FRMD4A: variants seen among roughly 807,000 people sequenced by gnomAD.
The protein encoded by FRMD4A is FERM domain-containing protein 4A.
FRMD4A carries 29 observed loss-of-function variants against 129.1 expected under a neutral mutation model. The observed-to-expected ratio is 0.22, with a 90% CI of 0.17 to 0.31. FRMD4A has a LOEUF of 0.31. Among genes scored for constraint, FRMD4A ranks in the 10% least tolerant of loss-of-function variants. The pLI is 1.00. For missense variants in FRMD4A, 1,272 were observed against 1,375.8 expected, an observed-to-expected ratio of 0.92 and a Z score of 1.19; for synonymous variants, 634 against 571.6, an observed-to-expected ratio of 1.11 and a Z score of -1.56.
chr10:14,313,114 A>T (rs1846614089), intron 2 of FRMD4A, among the ~76,000 whole-genome samples: 4 of 152,038 alleles, frequency 2.6e-5, no homozygotes, highest in Admixed American at 2.6e-4. Flanking sequence ...ATATTTTGGG[A>T]GGCTGACATG....
intron 2 of FRMD4A, among the ~76,000 whole-genome samples, chr10:13,934,205 C>G (rs1490530902): frequency 6.6e-6 from 1 of 152,216 alleles, no homozygotes; most frequent in Non-Finnish European, 1.5e-5. Flanking sequence ...GTTTTAGAGA[C>G]ATAGTTTTCT....
At chr10:13,822,092 G>A (rs1165804063) in intron 3 of FRMD4A, among the ~76,000 whole-genome samples, 1 of 152,060 alleles carries the variant, frequency 6.6e-6, no homozygotes, top group African/African-American at 2.4e-5. Flanking sequence ...TACACACATA[G>A]ATCTATATGT....
At chr10:14,131,340 G>A (rs1011234008) in intron 2 of FRMD4A, among the ~76,000 whole-genome samples, 6 of 152,132 alleles carry the variant, frequency 3.9e-5, no homozygotes, top group African/African-American at 1.4e-4. Context: ...GAAGATGGCA[G>A]AGTAGAAGCA....
chr10:13,867,839 A>T (rs754551856), intron 2 of FRMD4A, among the ~76,000 whole-genome samples: 6 of 138,978 alleles, frequency 4.3e-5, no homozygotes, highest in Non-Finnish European at 9.1e-5. Context: ...ATATATAATA[A>T]ATAATACATA....
chr10:14,035,788 A>C (rs1833471130), intron 2 of FRMD4A, among the ~76,000 whole-genome samples: 1 of 152,234 alleles, frequency 6.6e-6, no homozygotes, highest in Non-Finnish European at 1.5e-5. Context: ...TAGACTAAAG[A>C]TATGCAAGAA....
chr10:13,765,146 C>T (rs1308312158), intron 6 of FRMD4A, among the ~76,000 whole-genome samples: 1 of 128,844 alleles, frequency 7.8e-6, no homozygotes, highest in African/African-American at 2.9e-5. Context: ...CGGAGTCTCA[C>T]TGTTGTCGTC....
intron 2 of FRMD4A, among the ~76,000 whole-genome samples, chr10:14,291,053 A>T (rs1277318350): frequency 1.3e-5 from 2 of 152,112 alleles, no homozygotes; most frequent in African/African-American, 2.4e-5. Context: ...TCACTCAACC[A>T]TTACTTCCTG....
At chr10:13,703,437 C>G (rs2087068535) in intron 13 of FRMD4A, among the ~76,000 whole-genome samples, 1 of 152,118 alleles carries the variant, frequency 6.6e-6, no homozygotes. Context: ...TGTCCAGTGC[C>G]CCACAGGGAA....
chr10:14,247,168 G>T (rs1194215183), intron 2 of FRMD4A, among the ~76,000 whole-genome samples: 2 of 152,104 alleles, frequency 1.3e-5, no homozygotes, highest in Admixed American at 6.6e-5. Flanking sequence ...GCCACACAGG[G>T]AGACTAGTGA....
intron 3 of FRMD4A, among the ~76,000 whole-genome samples, chr10:13,839,257 T>G (rs1028519744): frequency 2.0e-5 from 3 of 152,128 alleles, no homozygotes; most frequent in African/African-American, 7.2e-5. Context: ...CCTCCCACCT[T>G]GGCCTCTCAA....
intron 18 of FRMD4A, among the ~76,000 whole-genome samples, chr10:13,665,562 C>T (rs1036720945): frequency 3.3e-5 from 5 of 152,198 alleles, no homozygotes; most frequent in African/African-American, 1.2e-4. Flanking sequence ...ACCCAAATTC[C>T]TAACCCATGA....
chr10:13,859,651 T>C (rs2094265862), intron 2 of FRMD4A, among the ~76,000 whole-genome samples: 1 of 152,156 alleles, frequency 6.6e-6, no homozygotes. Context: ...CTCCTCTTCA[T>C]TTATCCCACT....
chr10:13,914,625 G>C (rs966665549), intron 2 of FRMD4A, among the ~76,000 whole-genome samples: 1 of 152,246 alleles, frequency 6.6e-6, no homozygotes, highest in African/African-American at 2.4e-5. Flanking sequence ...AGGCCAAAGA[G>C]AGACTGATGG....
At chr10:13,676,266 TTTTC>T (rs1422694056) in intron 15 of FRMD4A, among the ~76,000 whole-genome samples, 37 of 151,714 alleles carry the variant, frequency 2.4e-4, no homozygotes, top group Admixed American at 2.3e-3. Flanking sequence ...TTTCTTTTCT[TTTTC>T]TTTTTTTTTT....
At chr10:13,773,197 T>G (rs1289200600) in intron 6 of FRMD4A, among the ~76,000 whole-genome samples, 1 of 152,220 alleles carries the variant, frequency 6.6e-6, no homozygotes, top group Non-Finnish European at 1.5e-5. Context: ...TATGCATAAC[T>G]TTTCCCCAAA....
chr10:13,779,110 C>A (rs10906473), intron 6 of FRMD4A, among the ~76,000 whole-genome samples: 122,099 of 151,944 alleles, frequency 0.8, 49,534 homozygotes, highest in East Asian at 0.96. Context: ...TGAGGTCAGG[C>A]GTTCGAGACC....
At chr10:14,101,222 C>A (rs1470956725) in intron 2 of FRMD4A, among the ~76,000 whole-genome samples, 4 of 152,224 alleles carry the variant, frequency 2.6e-5, no homozygotes, top group Admixed American at 1.3e-4. Flanking sequence ...TCATAATCCT[C>A]TTGTCAATAT....
At chr10:14,293,016 A>G (rs1845897160) in intron 2 of FRMD4A, among the ~76,000 whole-genome samples, 1 of 134,386 alleles carries the variant, frequency 7.4e-6, no homozygotes, top group Non-Finnish European at 1.7e-5. Flanking sequence ...AAGGATAAGT[A>G]TCATGAACAC....
chr10:13,924,606 A>C (rs529422383), intron 2 of FRMD4A, among the ~76,000 whole-genome samples: 1 of 151,976 alleles, frequency 6.6e-6, no homozygotes, highest in Non-Finnish European at 1.5e-5. Flanking sequence ...ATCCTCCTAG[A>C]CTATTTTATT....
Sources: gnomAD v4.1 joint callset for allele counts (sites outside exome capture counted in the v4.1 genomes callset) on GRCh38, gnomAD v4.1.1 for gene constraint, MANE v1.5 for transcripts, NCBI Gene and HGNC (gene_info 2026-07-23, HGNC 2026-07-21) for gene names.